FAM210A: variants seen among roughly 807,000 people sequenced by gnomAD.
The protein encoded by FAM210A is mitochondrial inner membrane scaffold 1.
Under a neutral mutation model 25.3 loss-of-function variants are expected in FAM210A, and 13 were observed. That is an observed-to-expected ratio of 0.51 (90% CI 0.33 to 0.82). The LOEUF (loss-of-function observed/expected upper bound fraction) is 0.82, where lower values mean the gene tolerates loss of function less well. FAM210A is among the 40% of genes least tolerant of loss of function. FAM210A has a pLI of 0.02. For synonymous variants in FAM210A, 125 were observed against 118.7 expected (o/e 1.05, Z -0.35); for missense variants, 319 against 323.2 (o/e 0.99, Z 0.10).
intron 1 of FAM210A, among the ~76,000 whole-genome samples, chr18:13,693,433 C>T (rs990395677): frequency 1.3e-5 from 2 of 152,184 alleles, no homozygotes; most frequent in African/African-American, 4.8e-5. Flanking sequence ...CTGGCACAGA[C>T]ACAACCAAAA....
rs150180872 is a variant in FAM210A at position 13,721,077 on chromosome 18, C to T, written c.-29+5252G>A. 2.8e-4 allele frequency among the ~76,000 whole-genome samples: 43 copies of T among 152,056 alleles called. No individual in the cohort carries two copies. The East Asian group carries it at 6.2e-3, about 22-fold the overall frequency. The stretch of plus-strand genomic sequence containing the variant: ...ACCCTATTCCCAAATAAGGTCATAC[C>T]CTGAGGTACTAAGGGCTAGGAATCC... On this transcript the variant is annotated intron_variant, in intron 1 of 3. Transcript: ENST00000651643.
intron 1 of FAM210A, among the ~76,000 whole-genome samples, chr18:13,697,174 T>G (rs1459978093): frequency 6.6e-6 from 1 of 152,144 alleles, no homozygotes; most frequent in African/African-American, 2.4e-5. Flanking sequence ...AACTATGCAT[T>G]TCTCAGACCA....
At chr18:13,667,662 G>A (rs541587307) in intron 3 of FAM210A, among the ~76,000 whole-genome samples, 4 of 152,138 alleles carry the variant, frequency 2.6e-5, no homozygotes, top group African/African-American at 7.2e-5. Context: ...AGGTTGCAGC[G>A]AACCGAGATT....
At chr18:13,676,468 A>T (rs1463014768) in intron 2 of FAM210A, among the ~76,000 whole-genome samples, 2 of 150,826 alleles carry the variant, frequency 1.3e-5, no homozygotes, top group East Asian at 1.9e-4. Flanking sequence ...CAGTTTCCTG[A>T]TTATTAACAT....
chr18:13,721,168 T>C (rs1238705228), intron 1 of FAM210A, among the ~76,000 whole-genome samples: 3 of 152,124 alleles, frequency 2.0e-5, no homozygotes, highest in East Asian at 3.8e-4. Flanking sequence ...TGTTATGACA[T>C]AGTGTTGGAA....
intron 1 of FAM210A, among the ~76,000 whole-genome samples, chr18:13,724,092 C>G (rs1325155641): frequency 1.3e-5 from 2 of 152,078 alleles, no homozygotes; most frequent in Non-Finnish European, 1.5e-5. Context: ...CACTTTCTTA[C>G]AAATGGGTTG....
chr18:13,681,490 C>T (rs2043553187), intron 2 of FAM210A, 115 bp downstream of exon 2: 5 of 825,522 alleles, frequency 6.1e-6, no homozygotes, highest in Non-Finnish European at 7.4e-6. Flanking sequence ...AACAGTTATC[C>T]TCTATTGATG....
chr18:13,686,993 T>A (rs1206113920), intron 1 of FAM210A, among the ~76,000 whole-genome samples: 2 of 152,108 alleles, frequency 1.3e-5, no homozygotes, highest in Non-Finnish European at 2.9e-5. Flanking sequence ...CTTATCAACA[T>A]AGAAAGTAAA....
chr18:13,697,972 T>C (rs991667011), intron 1 of FAM210A, among the ~76,000 whole-genome samples: 1 of 152,196 alleles, frequency 6.6e-6, no homozygotes, highest in Admixed American at 6.5e-5. Context: ...AAGGTTATTC[T>C]GGGAAAACAC....
At chr18:13,724,716 T>C (rs1468957240) in intron 1 of FAM210A, among the ~76,000 whole-genome samples, 2 of 152,222 alleles carry the variant, frequency 1.3e-5, no homozygotes, top group African/African-American at 2.4e-5. Context: ...ATATATCCCA[T>C]CATCGTGGAG....
Position 13,692,286 on chromosome 18 carries a change from T to C in FAM210A, c.-28-10181A>G, listed in dbSNP as rs193033185. Among the ~76,000 whole-genome samples the C allele has an allele frequency of 3.8e-3, 573 of 152,078 alleles. 4 individuals are homozygous for C. The highest frequency in any genetic ancestry group is 0.029 in the East Asian group (150 of 5,158). On this transcript the variant is annotated intron_variant, in intron 1 of 3. Coordinates refer to ENST00000651643, the MANE Select transcript of FAM210A (RefSeq NM_152352.4). ...AGACCTACAAAGAGACTTAGACTCC[T>C]ACACAATAATAATGGGAGATTTTAA...
intron 1 of FAM210A, among the ~76,000 whole-genome samples, chr18:13,702,366 C>A (rs759687703): frequency 2.5e-4 from 38 of 152,356 alleles, no homozygotes; most frequent in Admixed American, 5.9e-4. Flanking sequence ...ATAAAGACAG[C>A]TAACTTAGAA....
chr18:13,705,054 G>C (rs2043767304), intron 1 of FAM210A, among the ~76,000 whole-genome samples: 1 of 152,158 alleles, frequency 6.6e-6, no homozygotes, highest in Non-Finnish European at 1.5e-5. Context: ...ATCTGGGTAA[G>C]AATTCCTGGA....
At chr18:13,717,932 G>A (rs2043873717) in intron 1 of FAM210A, among the ~76,000 whole-genome samples, 1 of 152,148 alleles carries the variant, frequency 6.6e-6, no homozygotes, top group South Asian at 2.1e-4. Context: ...GGCCGCATAC[G>A]GGGAACAGCC....
At chr18:13,674,996 T>A (rs59206462) in intron 2 of FAM210A, among the ~76,000 whole-genome samples, 13 of 126,872 alleles carry the variant, frequency 1.0e-4, no homozygotes, top group East Asian at 2.6e-4. Flanking sequence ...CTTTATTTCC[T>A]GTTTCCTGAT....
chr18:13,711,364 A>G (rs1284212), intron 1 of FAM210A, among the ~76,000 whole-genome samples: 140,148 of 152,178 alleles, frequency 0.92, 64,589 homozygotes, highest in East Asian at 0.97. Flanking sequence ...GACAGGCTCA[A>G]TCTCAAAAAT....
chr18:13,681,204 G>C (rs899998521), intron 2 of FAM210A, among the ~76,000 whole-genome samples: 6 of 152,190 alleles, frequency 3.9e-5, no homozygotes, highest in African/African-American at 1.4e-4. Flanking sequence ...GATGAGATCT[G>C]CATATAGGAG....
intron 1 of FAM210A, among the ~76,000 whole-genome samples, chr18:13,693,035 A>T (rs2043661327): frequency 6.6e-6 from 1 of 152,226 alleles, no homozygotes; most frequent in Non-Finnish European, 1.5e-5. Context: ...AGAAGCATCA[A>T]ATAGACACAA....
chr18:13,719,842 T>C (rs1284857535), intron 1 of FAM210A, among the ~76,000 whole-genome samples: 1 of 152,224 alleles, frequency 6.6e-6, no homozygotes, highest in East Asian at 1.9e-4. Context: ...CAGTTTCAGT[T>C]GTGTTAAGAG....
Sources: gnomAD v4.1 joint callset for allele counts (sites outside exome capture counted in the v4.1 genomes callset) on GRCh38, gnomAD v4.1.1 for gene constraint, MANE v1.5 for transcripts, NCBI Gene and HGNC (gene_info 2026-07-23, HGNC 2026-07-21) for gene names.